The following KDM4B variants were observed in gnomAD, a reference collection of about 807,000 sequenced individuals.
KDM4B encodes lysine demethylase 4B, also known as lysine-specific demethylase 4B.
KDM4B carries 32 observed loss-of-function variants against 125.2 expected under a neutral mutation model. The ratio of observed to expected loss-of-function variants is 0.26; its 90% CI spans 0.19 to 0.34. KDM4B has a LOEUF of 0.34. KDM4B is among the 10% of genes least tolerant of loss of function. The probability of loss-of-function intolerance (pLI) is 1.00; values close to 1 mark genes in which losing one functional copy is unlikely to be tolerated. For missense variants in KDM4B, 1,190 were observed against 1,577.7 expected (o/e 0.75, Z 4.16); for synonymous variants, 721 against 677.9 (o/e 1.06, Z -0.99).
intron 9 of KDM4B, among the ~76,000 whole-genome samples, chr19:5,097,895 C>T (rs1269783032): frequency 6.6e-6 from 1 of 152,250 alleles, no homozygotes; most frequent in African/African-American, 2.4e-5. Context: ...TCCTCCTCCT[C>T]AGCTCAGCAG....
chr19:5,134,181 C>T (rs2039608558), intron 14 of KDM4B, 120 bp downstream of exon 14: 2 of 960,678 alleles, frequency 2.1e-6, no homozygotes, highest in East Asian at 5.1e-5. Context: ...TGGCCAGCAC[C>T]CCGAGTTGTG....
intron 8 of KDM4B, 32 bp downstream of exon 8, chr19:5,077,502 G>T (rs774127454): frequency 1.3e-6 from 2 of 1,578,904 alleles, no homozygotes; most frequent in East Asian, 4.5e-5. Flanking sequence ...ACGCCTGTGG[G>T]TGAAGTGGGT....
At chr19:5,070,873 A>G (rs1203753733) in intron 6 of KDM4B, 137 bp from the exon 7 acceptor site, 2 of 817,898 alleles carry the variant, frequency 2.4e-6, no homozygotes, top group Non-Finnish European at 3.9e-6. Flanking sequence ...CATCCCCTCC[A>G]CACAGTCCTG....
chr19:5,062,668 T>A (rs1038695809), intron 6 of KDM4B, among the ~76,000 whole-genome samples: 8 of 152,178 alleles, frequency 5.3e-5, no homozygotes, highest in African/African-American at 1.9e-4. Flanking sequence ...CTTTTTTTTT[T>A]AATTAAAAAT....
chr19:5,090,584 TC>T (rs1171021092), intron 9 of KDM4B, among the ~76,000 whole-genome samples: 26 of 26,360 alleles, frequency 9.9e-4, no homozygotes, highest in South Asian at 2.8e-3. Context: ...TCTCCCCCTC[TC>T]CCCCCTCCCT....
chr19:5,149,719 C>T (rs953223062), intron 21 of KDM4B, among the ~76,000 whole-genome samples: 6 of 152,228 alleles, frequency 3.9e-5, no homozygotes, highest in Non-Finnish European at 7.3e-5. Context: ...CCAAGCTTAA[C>T]GAGGAGGAAG....
chr19:5,013,438 GA>G (rs1205308700), intron 1 of KDM4B, among the ~76,000 whole-genome samples: 7 of 152,184 alleles, frequency 4.6e-5, no homozygotes, highest in Non-Finnish European at 7.4e-5. Flanking sequence ...CACAGTGGCT[GA>G]AAACAGCACC....
chr19:5,146,227 G>GCATC (rs1268052085), intron 21 of KDM4B, among the ~76,000 whole-genome samples: 1 of 134,790 alleles, frequency 7.4e-6, no homozygotes, highest in Non-Finnish European at 1.6e-5. Context: ...CTGTCACTGA[G>GCATC]CATCCAGGAC....
Position 5,114,255 on chromosome 19 carries a change from C to T in KDM4B, c.1115+3437C>T. On this transcript the variant is annotated intron_variant, in intron 10 of 22. Coordinates refer to ENST00000159111, the MANE Select transcript of KDM4B (RefSeq NM_015015.3). This position sits in a 1 kb window ranked among gnomAD's most constrained non-coding sequence, Gnocchi z 5.8. The stretch of plus-strand genomic sequence containing the variant: ...TCCCTGCAGGACATCTGTGCACCCG[C>T]CTCACCACAGCCTCCCTGGCCCACT... 1 of 1,284,290 alleles carries T rather than the reference C, an allele frequency of 7.8e-7. No individual in the cohort carries two copies. The highest frequency in any genetic ancestry group is 1.0e-6 in the Non-Finnish European group (1 of 983,862). 79.6% of individuals were successfully genotyped at this position (1,284,290 alleles called of 1,614,324 possible).
intron 9 of KDM4B, among the ~76,000 whole-genome samples, chr19:5,089,712 A>C (rs2038626989): frequency 6.8e-6 from 1 of 147,412 alleles, no homozygotes; most frequent in Non-Finnish European, 1.5e-5. Context: ...AAAAAAAAAA[A>C]ACCCACATAC....
intron 1 of KDM4B, among the ~76,000 whole-genome samples, chr19:5,015,408 C>T (rs753880283): frequency 5.3e-5 from 8 of 151,792 alleles, no homozygotes; most frequent in African/African-American, 9.7e-5. Flanking sequence ...CACATCACCA[C>T]GCCCGGCTAA....
At position 5,143,993 on chromosome 19, in the gene KDM4B, G is replaced by A. The variant is rs2039791992; in HGVS notation, c.2577G>A (p.Met859Ile). The A allele has an allele frequency of 1.9e-6, 3 of 1,587,562 alleles. No homozygotes were observed. The highest frequency in any genetic ancestry group is 1.3e-5 in the African/African-American group (1 of 74,528). ...AATGCGTGTACTGCCGGAAGCGGAT[G>A]AAGAAGGTGTCAGGTGCCTGTATCC... ...KLKCVYCRKRMKKVSGACIQC... is the reference protein window; with the variant it reads ...KLKCVYCRKRIKKVSGACIQC... The change falls in exon 19 of 23, where the codon ATG becomes ATA. Residue 859 changes from methionine to isoleucine, a missense_variant. Transcript: ENST00000159111.
chr19:5,038,376 C>T (rs2036697750), intron 3 of KDM4B, among the ~76,000 whole-genome samples: 1 of 152,210 alleles, frequency 6.6e-6, no homozygotes, highest in South Asian at 2.1e-4. Flanking sequence ...GGCCAGGAGC[C>T]CAGGGTGAGG....
chr19:5,079,182 C>T (rs1052425089), intron 8 of KDM4B: 2 of 152,212 alleles, frequency 1.3e-5, no homozygotes, highest in African/African-American at 2.4e-5. Context: ...GCCATTGACT[C>T]CCTCATTTAT....
chr19:5,132,302 G>GCTGAGCACAGGCCTCTCCAGGA (rs1364066896), intron 13 of KDM4B, among the ~76,000 whole-genome samples: 1 of 152,172 alleles, frequency 6.6e-6, no homozygotes, highest in African/African-American at 2.4e-5. Flanking sequence ...TCCTCCCAGG[G>GCTGAGCACAGGCCTCTCCAGGA]CTGAGCACAG....
chr19:5,058,652 C>T (rs904323419), intron 6 of KDM4B, among the ~76,000 whole-genome samples: 4 of 152,234 alleles, frequency 2.6e-5, no homozygotes, highest in Non-Finnish European at 4.4e-5. Context: ...CCCTGCCTCA[C>T]GTCGTGTGCT....
At chr19:5,086,843 C>T (rs1234009525) in intron 9 of KDM4B, among the ~76,000 whole-genome samples, 1 of 152,246 alleles carries the variant, frequency 6.6e-6, no homozygotes, top group Non-Finnish European at 1.5e-5. Context: ...CCCTGGCTGC[C>T]CCATGGCAGG....
intron 6 of KDM4B, among the ~76,000 whole-genome samples, chr19:5,065,754 C>T (rs1329024468): frequency 6.6e-6 from 1 of 152,240 alleles, no homozygotes; most frequent in Non-Finnish European, 1.5e-5. Flanking sequence ...GGCTCATGAG[C>T]TGCCCGCCAT....
At chr19:5,001,605 G>A (rs1200289534) in intron 1 of KDM4B, among the ~76,000 whole-genome samples, 1 of 152,242 alleles carries the variant, frequency 6.6e-6, no homozygotes, top group Non-Finnish European at 1.5e-5. Context: ...AGATTTTCGT[G>A]AGTGGGATTG....
Sources: gnomAD v4.1 joint callset for allele counts (sites outside exome capture counted in the v4.1 genomes callset) on GRCh38, gnomAD v4.1.1 for gene constraint, Gnocchi (gnomAD v3.1) non-coding constraint, MANE v1.5 for transcripts, NCBI Gene and HGNC (gene_info 2026-07-23, HGNC 2026-07-21) for gene names.